The following CREBRF variants were observed in gnomAD, a reference collection of about 807,000 sequenced individuals.
CREBRF encodes UPF0474 protein C5orf41.
CREBRF carries 5 observed loss-of-function variants against 66.1 expected under a neutral mutation model. That is an observed-to-expected ratio of 0.08 (90% CI 0.04 to 0.16). CREBRF has a LOEUF of 0.16. Among genes scored for constraint, CREBRF ranks in the 10% least tolerant of loss-of-function variants. The pLI, the probability that CREBRF is intolerant of heterozygous loss-of-function variation, is 1.00. For missense variants in CREBRF, 531 were observed against 744.9 expected (o/e 0.71, Z 3.34); for synonymous variants, 229 against 264.4 (o/e 0.87, Z 1.30).
intron 3 of CREBRF, among the ~76,000 whole-genome samples, chr5:173,086,943 ATTTTGTT>A (rs1758166305): frequency 1.0e-5 from 1 of 98,416 alleles, no homozygotes; most frequent in African/African-American, 4.1e-5. Flanking sequence ...CATCCAACTA[ATTTTGTT>A]TTTTTTTTTT....
intron 1 of CREBRF, among the ~76,000 whole-genome samples, chr5:173,069,980 G>A (rs1265972411): frequency 6.6e-6 from 1 of 151,034 alleles, no homozygotes; most frequent in Admixed American, 6.6e-5. Context: ...TCGGCTTACT[G>A]TAATCCCGAG....
chr5:173,122,184 C>CTCCA (rs1759152272), intron 7 of CREBRF, among the ~76,000 whole-genome samples: 2 of 152,208 alleles, frequency 1.3e-5, no homozygotes, highest in African/African-American at 4.8e-5. Context: ...TCACTGCAAC[C>CTCCA]TCCACCTCCT....
Position 173,123,083 on chromosome 5 carries a change from A to G in CREBRF, c.1685A>G (p.Asn562Ser). 1 of 1,592,612 alleles carries G rather than the reference A, an allele frequency of 6.3e-7. No homozygotes were observed. The highest frequency in any genetic ancestry group is 2.2e-5 in the East Asian group (1 of 44,524). ...KLWGLNTEYD[N>S]LLFVINSIKQ... ...AGTGTTTTGTTCTGTCTTACAGATA[A>G]TTTATTGTTTGTAATCAACTCCATC... is the stretch of plus-strand genomic sequence containing the variant. The change falls in exon 8 of 9, where the codon AAT becomes AGT. Residue 562 changes from asparagine (N) to serine (S), a missense_variant. Around this residue, in one of 5 missense-constraint regions of CREBRF, gnomAD observed 64 missense variants for 111.3 expected, o/e 0.58. Coordinates refer to ENST00000296953, the MANE Select transcript of CREBRF (RefSeq NM_153607.3).
intron 2 of CREBRF, among the ~76,000 whole-genome samples, chr5:173,082,351 G>A (rs1757980666): frequency 6.6e-6 from 1 of 151,590 alleles, no homozygotes; most frequent in Non-Finnish European, 1.5e-5. Context: ...TTGAATTTGG[G>A]GCTTAAATTT....
intron 1 of CREBRF, among the ~76,000 whole-genome samples, chr5:173,065,338 G>A (rs1757402728): frequency 6.6e-6 from 1 of 152,166 alleles, no homozygotes. Context: ...AATGGAAGAG[G>A]AGGAAACTGA....
chr5:173,080,152 G>C (rs749883951), intron 1 of CREBRF, among the ~76,000 whole-genome samples: 16 of 151,536 alleles, frequency 1.1e-4, no homozygotes, highest in Non-Finnish European at 1.9e-4. Flanking sequence ...TTACTCTTCT[G>C]TTGACTTATG....
At chr5:173,118,541 A>G (rs746598354) in intron 7 of CREBRF, among the ~76,000 whole-genome samples, 1 of 152,026 alleles carries the variant, frequency 6.6e-6, no homozygotes, top group Non-Finnish European at 1.5e-5. Flanking sequence ...AAGGTAAAAG[A>G]TGATGTTCAT....
chr5:173,120,275 T>C (rs1448857870), intron 7 of CREBRF, among the ~76,000 whole-genome samples: 1 of 152,188 alleles, frequency 6.6e-6, no homozygotes. Flanking sequence ...TAAAACCTTC[T>C]GGGTTCTTTT....
At chr5:173,115,907 G>T (rs951558291) in intron 7 of CREBRF, among the ~76,000 whole-genome samples, 5 of 152,204 alleles carry the variant, frequency 3.3e-5, no homozygotes, top group Admixed American at 2.6e-4. Context: ...ACCGCGCCCG[G>T]CCCCTGAATG....
intron 1 of CREBRF, among the ~76,000 whole-genome samples, chr5:173,076,813 G>T (rs1448102592): frequency 6.6e-6 from 1 of 151,742 alleles, no homozygotes; most frequent in African/African-American, 2.4e-5. Flanking sequence ...TGTGGATCTG[G>T]AACAGTTTAA....
chr5:173,101,416 A>G (rs1284195189), intron 4 of CREBRF, among the ~76,000 whole-genome samples: 2 of 152,024 alleles, frequency 1.3e-5, no homozygotes, highest in South Asian at 2.1e-4. Context: ...CTAGCCTTCA[A>G]GGTTTCTGCT....
intron 7 of CREBRF, among the ~76,000 whole-genome samples, chr5:173,121,777 G>T (rs551117966): frequency 3.9e-5 from 6 of 152,334 alleles, no homozygotes; most frequent in Non-Finnish European, 7.3e-5. Flanking sequence ...AGGTCTTAAA[G>T]CAATGAAGAC....
chr5:173,080,588 G>A lies in CREBRF; in HGVS notation c.-188G>A. ...GTTACTTTGTGTTGTTTGACAGACA[G>A]CATCGCACAGAATTATTTTAAAAAA... On this transcript the variant is annotated 5_prime_UTR_variant, in exon 2 of 9. Coordinates refer to ENST00000296953, the MANE Select transcript of CREBRF (RefSeq NM_153607.3). 1.7e-6 allele frequency: 1 copy of A among 579,308 alleles called. No homozygotes were observed. The highest frequency in any genetic ancestry group is 3.1e-6 in the Non-Finnish European group (1 of 319,832). The allele number at this position is 579,308 out of a possible 1,614,324, so 35.9% of individuals were successfully genotyped here.
intron 4 of CREBRF, among the ~76,000 whole-genome samples, chr5:173,106,806 A>T (rs1311658789): frequency 6.6e-6 from 1 of 151,864 alleles, no homozygotes; most frequent in African/African-American, 2.4e-5. Context: ...CTGTGGTGCA[A>T]TGGCACGCTC....
chr5:173,069,967 A>G (rs1259075804), intron 1 of CREBRF, among the ~76,000 whole-genome samples: 1 of 151,186 alleles, frequency 6.6e-6, no homozygotes, highest in African/African-American at 2.4e-5. Flanking sequence ...CAGTGGCGTG[A>G]TCTCGGCTTA....
chr5:173,079,449 T>G (rs1442725017), intron 1 of CREBRF, among the ~76,000 whole-genome samples: 2 of 141,962 alleles, frequency 1.4e-5, no homozygotes, highest in African/African-American at 5.3e-5. Context: ...GGTGACAGAG[T>G]GAGACTCTGT....
At chr5:173,096,859 C>T (rs67551822) in intron 4 of CREBRF, among the ~76,000 whole-genome samples, 25,656 of 151,908 alleles carry the variant, frequency 0.17, 3,161 homozygotes, top group African/African-American at 0.34. Context: ...TCTATTGAGA[C>T]GATTATATTG....
chr5:173,117,471 A>G (rs1293588367), intron 7 of CREBRF, among the ~76,000 whole-genome samples: 4 of 149,310 alleles, frequency 2.7e-5, no homozygotes, highest in East Asian at 2.0e-4. Context: ...CCTCATTGGC[A>G]TCTTTTCCTT....
At position 173,076,505 on chromosome 5, in the gene CREBRF, C is replaced by A. The variant is rs182229772; in HGVS notation, c.-191-4080C>A. Among the ~76,000 whole-genome samples the A allele has an allele frequency of 1.5e-3, 235 of 152,210 alleles. 5 individuals are homozygous for A. The highest frequency in any genetic ancestry group is 3.8e-4 in the Non-Finnish European group (26 of 68,030). On this transcript the variant is annotated intron_variant, in intron 1 of 8. Coordinates refer to ENST00000296953, the MANE Select transcript of CREBRF (RefSeq NM_153607.3). ...GTGTCTCGCACCTGTAATCCCAACACTTTAGGAGGACAAGATGGGTGGATC... is the reference window on the plus strand; with the variant it reads ...GTGTCTCGCACCTGTAATCCCAACAATTTAGGAGGACAAGATGGGTGGATC...
Sources: allele counts gnomAD v4.1 joint callset (sites outside exome capture counted in the v4.1 genomes callset), GRCh38; gene constraint gnomAD v4.1.1; regional missense constraint gnomAD v4.1.1; transcripts MANE v1.5; gene names NCBI Gene and HGNC (gene_info 2026-07-23, HGNC 2026-07-21).